The following WNK3 variants were observed in gnomAD, a reference collection of about 807,000 sequenced individuals.
WNK3 encodes the protein serine/threonine-protein kinase WNK3.
A neutral mutation model predicts 116.7 loss-of-function variants in WNK3; 18 were observed. The observed-to-expected ratio is 0.15, with a 90% CI of 0.11 to 0.23. The LOEUF (loss-of-function observed/expected upper bound fraction) is 0.23. Among genes scored for constraint, WNK3 ranks in the 10% least tolerant of loss-of-function variants. The pLI is 1.00. For missense variants in WNK3, 993 were observed against 1,323.8 expected (o/e 0.75, Z 3.88); for synonymous variants, 404 against 469.4 (o/e 0.86, Z 1.80).
intron 2 of WNK3, among the ~76,000 whole-genome samples, chrX:54,314,450 C>G: frequency 9.0e-6 from 1 of 111,225 alleles, no homozygotes; most frequent in Non-Finnish European, 1.9e-5. Context: ...ATTTATTTCA[C>G]TTTGTTGTTT....
chrX:54,352,935 G>T (rs1162767018), intron 1 of WNK3, among the ~76,000 whole-genome samples: 3 of 111,854 alleles, frequency 2.7e-5, no homozygotes, highest in African/African-American at 9.7e-5. Context: ...TAACACAGAT[G>T]AATCTCAAAA....
intron 10 of WNK3, among the ~76,000 whole-genome samples, chrX:54,279,500 G>A (rs1339591360): frequency 3.6e-5 from 4 of 111,200 alleles, no homozygotes; most frequent in Admixed American, 9.7e-5. Flanking sequence ...GGAGGTCGAG[G>A]CTACAGTGAG....
intron 17 of WNK3, among the ~76,000 whole-genome samples, chrX:54,240,235 G>A (rs782378734): frequency 5.5e-5 from 6 of 109,529 alleles, no homozygotes; most frequent in East Asian, 2.8e-4. Flanking sequence ...ACCCGGAGGC[G>A]GAGGTTGCAA....
intron 1 of WNK3, among the ~76,000 whole-genome samples, chrX:54,337,628 C>T (rs989543639): frequency 2.8e-5 from 3 of 105,409 alleles, no homozygotes; most frequent in Non-Finnish European, 5.9e-5. Flanking sequence ...CAATGGATTA[C>T]GCCTGCAATC....
At chrX:54,286,463 A>T (rs2068581730) in intron 10 of WNK3, among the ~76,000 whole-genome samples, 1 of 111,600 alleles carries the variant, frequency 9.0e-6, no homozygotes, top group Admixed American at 9.7e-5. Flanking sequence ...ATATATTATC[A>T]CTAGAAAATA....
chrX:54,314,569 G>C (rs2068928820), intron 2 of WNK3, among the ~76,000 whole-genome samples: 1 of 111,175 alleles, frequency 9.0e-6, no homozygotes, highest in African/African-American at 3.3e-5. Context: ...AGGAGTTTAA[G>C]ACCAGCCTGA....
At chrX:54,258,628 C>A (rs184997580) in intron 11 of WNK3, among the ~76,000 whole-genome samples, 16 of 110,014 alleles carry the variant, frequency 1.5e-4, no homozygotes, top group African/African-American at 5.3e-4. Context: ...GCCACTGCAC[C>A]CGGCCTCTAA....
chrX:54,353,572 C>T (rs952759233), intron 1 of WNK3, among the ~76,000 whole-genome samples: 24 of 110,808 alleles, frequency 2.2e-4, no homozygotes, highest in Admixed American at 4.9e-4. Context: ...CATTGTGAAA[C>T]CCCGTCTCTT....
At chrX:54,219,669 C>CAAA (rs34431672) in intron 22 of WNK3, among the ~76,000 whole-genome samples, 13 of 15,197 alleles carry the variant, frequency 8.6e-4, no homozygotes, top group East Asian at 2.3e-3. Context: ...CTCCATCTCC[C>CAAA]AAAAAAAAAA....
chrX:54,341,292 G>C (rs1557176319), intron 1 of WNK3, among the ~76,000 whole-genome samples: 1 of 110,766 alleles, frequency 9.0e-6, no homozygotes, highest in East Asian at 2.8e-4. Flanking sequence ...AGCTACTCAG[G>C]AGGCTGAGGC....
chrX:54,216,181 C>A (rs1406787141), intron 22 of WNK3, among the ~76,000 whole-genome samples: 10 of 108,577 alleles, frequency 9.2e-5, no homozygotes, highest in African/African-American at 3.1e-4. Flanking sequence ...CTAGGAAAAC[C>A]AGAGACCTTT....
At chrX:54,318,524 C>T (rs1242368470) in intron 2 of WNK3, among the ~76,000 whole-genome samples, 1 of 110,042 alleles carries the variant, frequency 9.1e-6, no homozygotes, top group African/African-American at 3.3e-5. Flanking sequence ...CCAGCTTGGG[C>T]AACAAAACAA....
intron 1 of WNK3, among the ~76,000 whole-genome samples, chrX:54,345,240 TCAACAACAACAA>T (rs78968161): frequency 1.9e-4 from 18 of 93,209 alleles, no homozygotes; most frequent in Non-Finnish European, 3.4e-4. Flanking sequence ...AGACTCTGTC[TCAACAACAACAA>T]CAACAACAAC....
chrX:54,195,015 T>C (rs1336825908), exon 24 of WNK3: 4 of 111,787 alleles, frequency 3.6e-5, no homozygotes. Context: ...GAATGAATAT[T>C]TGTTATATTA....
Position 54,224,520 on chromosome X carries a change from C to T in WNK3, c.4870+4194G>A, listed in dbSNP as rs971455483. 4.2e-4 allele frequency among the ~76,000 whole-genome samples: 46 copies of T among 109,780 alleles called. 1 individual carries two copies. The highest frequency in any genetic ancestry group is 2.8e-3 in the Admixed American group (29 of 10,256). ...TGCAAGTGTGTTCCAAAATACACAACGCAAAATTGACAGAATTGAGGGGAG... is the reference window on the plus strand; with the variant it reads ...TGCAAGTGTGTTCCAAAATACACAATGCAAAATTGACAGAATTGAGGGGAG... On this transcript the variant is annotated intron_variant, in intron 22 of 23. Coordinates refer to ENST00000354646, the Ensembl canonical transcript of WNK3.
At chrX:54,222,914 T>TA (rs11284594) in intron 22 of WNK3, among the ~76,000 whole-genome samples, 96 of 68,389 alleles carry the variant, frequency 1.4e-3, no homozygotes, top group African/African-American at 5.8e-3. Flanking sequence ...ATAATAATAA[T>TA]AATATATATA....
At chrX:54,261,021 C>A (rs1462396422) in intron 10 of WNK3, among the ~76,000 whole-genome samples, 2 of 110,077 alleles carry the variant, frequency 1.8e-5, no homozygotes, top group Non-Finnish European at 3.8e-5. Context: ...TGAGCCACCA[C>A]GCCTGGCCCA....
chrX:54,201,611 AAC>A (rs1373914224), intron 23 of WNK3, among the ~76,000 whole-genome samples: 1 of 111,739 alleles, frequency 8.9e-6, no homozygotes, highest in Non-Finnish European at 1.9e-5. Context: ...AAAAAAATAG[AAC>A]AGTCTAAAAC....
chrX:54,228,552 T>G (rs1305340966), intron 22 of WNK3, among the ~76,000 whole-genome samples, 162 bp downstream of exon 22: 2 of 111,678 alleles, frequency 1.8e-5, no homozygotes, highest in Admixed American at 1.9e-4. Flanking sequence ...CATGTTTCTT[T>G]GTGGAATGTT....
Sources: gnomAD v4.1 joint callset for allele counts (sites outside exome capture counted in the v4.1 genomes callset) on GRCh38, gnomAD v4.1.1 for gene constraint, MANE v1.5 for transcripts, NCBI Gene and HGNC (gene_info 2026-07-23, HGNC 2026-07-21) for gene names.